The following SAMD3 variants were observed in gnomAD, a reference collection of about 807,000 sequenced individuals.
The protein encoded by SAMD3 is sterile alpha motif domain-containing protein 3.
A neutral mutation model predicts 58.5 loss-of-function variants in SAMD3; 63 were observed. That is an observed-to-expected ratio of 1.08 (90% CI 0.88 to 1.33). The LOEUF is 1.33. Among genes scored for constraint, SAMD3 ranks in the 40% most tolerant of loss-of-function variants. The probability of loss-of-function intolerance (pLI) is 0.00; values close to 1 mark genes in which losing one functional copy is unlikely to be tolerated. For synonymous variants in SAMD3, 220 were observed against 210.3 expected (o/e 1.05, Z -0.40); for missense variants, 604 against 608.4 (o/e 0.99, Z 0.08).
chr6:130,186,445 C>T (rs559172844), intron 5 of SAMD3, among the ~76,000 whole-genome samples: 30 of 152,028 alleles, frequency 2.0e-4, no homozygotes, highest in African/African-American at 5.8e-4. Context: ...ATATCAGTGG[C>T]GAAATTATGT....
At chr6:130,256,928 C>A (rs188589154) in intron 2 of SAMD3, among the ~76,000 whole-genome samples, 10 of 152,244 alleles carry the variant, frequency 6.6e-5, no homozygotes, top group Admixed American at 3.3e-4. Context: ...ATCTCAGATT[C>A]TTTTGGAAAT....
chr6:130,174,536 G>A (rs1791548971), intron 8 of SAMD3, among the ~76,000 whole-genome samples: 1 of 152,162 alleles, frequency 6.6e-6, no homozygotes, highest in Non-Finnish European at 1.5e-5. Context: ...TACCTCAGTT[G>A]GAAATGCAGA....
At chr6:130,221,954 A>G (rs1796243077) in intron 1 of SAMD3, among the ~76,000 whole-genome samples, 1 of 152,244 alleles carries the variant, frequency 6.6e-6, no homozygotes, top group South Asian at 2.1e-4. Flanking sequence ...ATCTTCATTT[A>G]TTCCATTGGA....
chr6:130,258,407 CTGCCATT>C (rs1773998453), intron 2 of SAMD3, among the ~76,000 whole-genome samples: 3 of 152,142 alleles, frequency 2.0e-5, no homozygotes, highest in Admixed American at 2.0e-4. Context: ...TGATTTAAAT[CTGCCATT>C]TGCTAATTGT....
At chr6:130,159,232 G>A (rs144597008) in intron 8 of SAMD3, among the ~76,000 whole-genome samples, 6 of 152,232 alleles carry the variant, frequency 3.9e-5, no homozygotes, top group Non-Finnish European at 5.9e-5. Flanking sequence ...TTTTAAAAAC[G>A]GGAGTTTCTC....
At chr6:130,154,737 A>G (rs1582733574) in intron 9 of SAMD3, 88 bp downstream of exon 9, 2 of 229,396 alleles carry the variant, frequency 8.7e-6, no homozygotes, top group African/African-American at 2.5e-5. Context: ...ATATATATAT[A>G]TATATGTATG....
In SAMD3 at chr6:130,294,909, A is replaced by ATT. The variant is rs774036634; in HGVS notation, c.-188+18067_-188+18068dup. Among the ~76,000 whole-genome samples, 232 of 56,110 alleles carry ATT rather than the reference A, an allele frequency of 4.1e-3. 20 individuals carry two copies. Among genetic ancestry groups the ATT allele is most frequent in the Non-Finnish European group, 4.9e-3 (149 of 30,188 alleles). 36.8% of individuals were successfully genotyped at this position (56,110 alleles called of 152,430 possible). ...TCTAATTTTTCCATACATTTCTCTGATTTTTTTTTTTTTTTTTTTTTTTTT... is the reference window on the plus strand; with the variant it reads ...TCTAATTTTTCCATACATTTCTCTGATTTTTTTTTTTTTTTTTTTTTTTTTTT... On this transcript the variant is annotated intron_variant, in intron 2 of 13. Coordinates refer to the SAMD3 transcript ENST00000368134.
intron 4 of SAMD3, among the ~76,000 whole-genome samples, chr6:130,213,901 C>T (rs1240783535): frequency 2.6e-5 from 4 of 151,992 alleles, no homozygotes; most frequent in Non-Finnish European, 5.9e-5. Flanking sequence ...CTAGAGAAGA[C>T]TATAAATTCA....
chr6:130,256,795 A>G (rs1773941421), intron 2 of SAMD3, among the ~76,000 whole-genome samples: 1 of 152,260 alleles, frequency 6.6e-6, no homozygotes, highest in Admixed American at 6.5e-5. Context: ...GTTCCAGCTT[A>G]ACCAGATACC....
At position 130,245,473 on chromosome 6, in the gene SAMD3, A is replaced by T. The variant is rs544839977; in HGVS notation, c.-187-22660T>A. ...CCATGTGTTGACACTCTCAATTCAG[A>T]CTTACACTGGACTCAAAGAGTGGAA... On this transcript the variant is annotated intron_variant, in intron 2 of 13. Transcript: ENST00000368134. Among the ~76,000 whole-genome samples the T allele has an allele frequency of 6.6e-4, 100 of 152,320 alleles. 3 individuals are homozygous for T. In the South Asian group the frequency reaches 0.02, roughly 31 times the overall value.
intron 5 of SAMD3, among the ~76,000 whole-genome samples, chr6:130,193,384 C>G (rs1464637470): frequency 6.6e-6 from 1 of 151,984 alleles, no homozygotes; most frequent in Admixed American, 6.6e-5. Context: ...CATCTCTGCA[C>G]CCCAATCCCT....
At chr6:130,269,698 C>T (rs895434698) in intron 2 of SAMD3, among the ~76,000 whole-genome samples, 13 of 136,860 alleles carry the variant, frequency 9.5e-5, no homozygotes, top group African/African-American at 3.6e-4. Flanking sequence ...TCTATTGTGT[C>T]CTTTTCATTT....
chr6:130,330,711 G>T (rs1214384530), intron 1 of SAMD3, among the ~76,000 whole-genome samples: 1 of 152,192 alleles, frequency 6.6e-6, no homozygotes, highest in Non-Finnish European at 1.5e-5. Context: ...ACTGGTGGAA[G>T]GGGTAGATTG....
At chr6:130,304,464 A>G (rs1450029554) in intron 2 of SAMD3, among the ~76,000 whole-genome samples, 1 of 152,146 alleles carries the variant, frequency 6.6e-6, no homozygotes, top group Non-Finnish European at 1.5e-5. Flanking sequence ...TTGTTCATAA[A>G]TCAAGTTTCC....
chr6:130,197,589 T>G (rs547447410), intron 5 of SAMD3, among the ~76,000 whole-genome samples: 16 of 152,292 alleles, frequency 1.1e-4, no homozygotes, highest in African/African-American at 3.9e-4. Context: ...CCAATAATTC[T>G]AAATGACAAA....
intron 2 of SAMD3, among the ~76,000 whole-genome samples, chr6:130,247,255 A>G (rs974600283): frequency 6.6e-6 from 1 of 152,198 alleles, no homozygotes; most frequent in African/African-American, 2.4e-5. Flanking sequence ...GGATCACCTT[A>G]GGTCAGGAGC....
intron 8 of SAMD3, among the ~76,000 whole-genome samples, chr6:130,172,397 C>G (rs1791333640): frequency 6.6e-6 from 1 of 152,144 alleles, no homozygotes; most frequent in African/African-American, 2.4e-5. Context: ...GTAAAGCAGG[C>G]CCAGTGGTGA....
chr6:130,291,564 G>T (rs921749477), intron 2 of SAMD3, among the ~76,000 whole-genome samples: 2 of 152,126 alleles, frequency 1.3e-5, no homozygotes, highest in African/African-American at 4.8e-5. Flanking sequence ...ATCATGTGAA[G>T]TTATTCATTA....
At chr6:130,294,076 G>A (rs1775474869) in intron 2 of SAMD3, among the ~76,000 whole-genome samples, 1 of 152,118 alleles carries the variant, frequency 6.6e-6, no homozygotes, top group Admixed American at 6.5e-5. Flanking sequence ...ACATTCCTTT[G>A]GTGTGACAGT....
Sources: gnomAD v4.1 joint callset for allele counts (sites outside exome capture counted in the v4.1 genomes callset) on GRCh38, gnomAD v4.1.1 for gene constraint, MANE v1.5 for transcripts, NCBI Gene and HGNC (gene_info 2026-07-23, HGNC 2026-07-21) for gene names.